The following SHLD1 variants were observed in gnomAD, a reference collection of about 807,000 sequenced individuals.
SHLD1 encodes RINN1-REV7-interacting novel NHEJ regulator 3.
A neutral mutation model predicts 5.5 loss-of-function variants in SHLD1; 3 were observed. That is an observed-to-expected ratio of 0.54 (90% CI 0.25 to 1.40). SHLD1 has a LOEUF of 1.40. SHLD1 is among the 40% of genes most tolerant of loss of function. The pLI is 0.15. For synonymous variants in SHLD1, 92 were observed against 94.3 expected, an observed-to-expected ratio of 0.98 and a Z score of 0.14; for missense variants, 210 against 244.4, an observed-to-expected ratio of 0.86 and a Z score of 0.94.
chr20:5,770,849 TAC>T (rs1455981955), intron 1 of SHLD1, among the ~76,000 whole-genome samples: 1 of 152,168 alleles, frequency 6.6e-6, no homozygotes, highest in Admixed American at 6.6e-5. Flanking sequence ...CAGGTAAAAA[TAC>T]AACCTCAGCA....
intron 2 of SHLD1, among the ~76,000 whole-genome samples, chr20:5,790,465 T>C (rs1405344115): frequency 6.7e-6 from 1 of 150,260 alleles, no homozygotes; most frequent in Non-Finnish European, 1.5e-5. Context: ...TTTTTTTTTT[T>C]TTTTTGAGTT....
Position 5,829,357 on chromosome 20 carries a change from C to G in SHLD1, c.179-33667C>G, listed in dbSNP as rs956362904. On this transcript the variant is annotated intron_variant, in intron 2 of 2. Transcript: ENST00000303142. ...TTTATTTGAGGTTTAACATTCTGAC[C>G]AATATGTTCTGGAAAGGAAATTAAA... is the stretch of plus-strand genomic sequence containing the variant. Among the ~76,000 whole-genome samples, 4 of 152,044 alleles carry G rather than the reference C, an allele frequency of 2.6e-5. No individual in the cohort carries two copies. The East Asian group carries it at 7.7e-4, about 29-fold the overall frequency.
intron 2 of SHLD1, among the ~76,000 whole-genome samples, chr20:5,807,737 G>A (rs2087399753): frequency 1.3e-5 from 2 of 152,084 alleles, no homozygotes; most frequent in Non-Finnish European, 1.5e-5. Context: ...ACTTCCTTTT[G>A]GAGAATATAG....
chr20:5,785,444 A>G (rs1047159800), intron 2 of SHLD1, among the ~76,000 whole-genome samples: 1 of 152,196 alleles, frequency 6.6e-6, no homozygotes, highest in African/African-American at 2.4e-5. Context: ...GTTGACTGCA[A>G]AGGCAGACCT....
At chr20:5,794,765 CTA>C (rs1245639246) in intron 2 of SHLD1, among the ~76,000 whole-genome samples, 1 of 152,100 alleles carries the variant, frequency 6.6e-6, no homozygotes, top group African/African-American at 2.4e-5. Context: ...GTATTAGATA[CTA>C]TGTTTATTAG....
chr20:5,764,139 A>ATATAT (rs1211451691), intron 1 of SHLD1, among the ~76,000 whole-genome samples: 2,382 of 95,144 alleles, frequency 0.025, 52 homozygotes, highest in Non-Finnish European at 0.036. Flanking sequence ...AAAAAAAAAA[A>ATATAT]ATATATATAT....
At chr20:5,832,027 G>A (rs947262211) in intron 2 of SHLD1, among the ~76,000 whole-genome samples, 3 of 152,088 alleles carry the variant, frequency 2.0e-5, no homozygotes, top group African/African-American at 4.8e-5. Flanking sequence ...GGCAACCTCC[G>A]CCTACCTGCT....
chr20:5,760,616 C>T (rs1308597843), intron 1 of SHLD1, among the ~76,000 whole-genome samples: 1 of 151,762 alleles, frequency 6.6e-6, no homozygotes, highest in Non-Finnish European at 1.5e-5. Context: ...TTGCTTGAGC[C>T]CGGGAGGAGG....
At position 5,863,510 on chromosome 20, in the gene SHLD1, G is replaced by A. The variant is rs1219631417; in HGVS notation, c.*47G>A. 4 of 1,536,334 alleles carry A rather than the reference G, an allele frequency of 2.6e-6. No homozygotes were observed. In the African/African-American group the frequency reaches 5.5e-5, roughly 21 times the overall value. ...GGTAGTAATGGAGGTGCTGTGCCAT[G>A]ACCAGCAGTGTTGGTGGCCACCCAG... On this transcript the variant is annotated 3_prime_UTR_variant, in exon 3 of 3. Transcript: ENST00000303142.
At chr20:5,771,057 A>T (rs1283551038) in intron 1 of SHLD1, among the ~76,000 whole-genome samples, 3 of 152,168 alleles carry the variant, frequency 2.0e-5, no homozygotes, top group Non-Finnish European at 4.4e-5. Flanking sequence ...ACAAGCATAA[A>T]TAATTTTTGG....
At chr20:5,821,265 C>T (rs186316881) in intron 2 of SHLD1, among the ~76,000 whole-genome samples, 1 of 152,308 alleles carries the variant, frequency 6.6e-6, no homozygotes, top group Non-Finnish European at 1.5e-5. Flanking sequence ...ATAATCCCAG[C>T]ACTTTGGGAG....
At chr20:5,832,789 A>T (rs2087743950) in intron 2 of SHLD1, among the ~76,000 whole-genome samples, 4 of 141,480 alleles carry the variant, frequency 2.8e-5, no homozygotes, top group Admixed American at 2.3e-4. Context: ...AAAAGCTGGA[A>T]ATCAAAATAA....
chr20:5,775,188 A>G (rs1014967298), intron 2 of SHLD1, among the ~76,000 whole-genome samples: 6 of 150,020 alleles, frequency 4.0e-5, no homozygotes, highest in Non-Finnish European at 8.9e-5. Flanking sequence ...ACAGGCTCAC[A>G]TCACCATACA....
rs776358532 is a variant in SHLD1 at position 5,778,114 on chromosome 20, C to CTTTTTTTT, written c.178+5084_178+5091dup. ...GGCTGAGGCAGGAGGATCCCTTTTTCTTTTTTTTTTTTTTTTTTTTGAGAC... is the reference window on the plus strand; with the variant it reads ...GGCTGAGGCAGGAGGATCCCTTTTTCTTTTTTTTTTTTTTTTTTTTTTTTTTTTGAGAC... On this transcript the variant is annotated intron_variant, in intron 2 of 2. Transcript: ENST00000303142. Among the ~76,000 whole-genome samples the CTTTTTTTT allele has an allele frequency of 5.4e-4, 60 of 111,902 alleles. 1 individual carries two copies. Among genetic ancestry groups the CTTTTTTTT allele is most frequent in the Middle Eastern group, 5.6e-3 (1 of 180 alleles). 73.4% of individuals were successfully genotyped at this position (111,902 alleles called of 152,430 possible). A position where few individuals can be genotyped will look rare whatever the true frequency, so the allele number is the denominator to read the frequency against.
At chr20:5,805,850 C>T (rs2122354707) in intron 2 of SHLD1, among the ~76,000 whole-genome samples, 1 of 152,260 alleles carries the variant, frequency 6.6e-6, no homozygotes, top group Admixed American at 6.5e-5. Flanking sequence ...ATCCGCCCTC[C>T]TTGGCCTCCC....
intron 2 of SHLD1, among the ~76,000 whole-genome samples, chr20:5,781,547 G>T (rs995419198): frequency 1.3e-5 from 2 of 152,074 alleles, no homozygotes; most frequent in Non-Finnish European, 2.9e-5. Flanking sequence ...GTGCAATCTC[G>T]GCTCCCTGCA....
At chr20:5,810,281 T>G (rs1457209265) in intron 2 of SHLD1, among the ~76,000 whole-genome samples, 1 of 151,854 alleles carries the variant, frequency 6.6e-6, no homozygotes. Flanking sequence ...ATTGTATTGT[T>G]CAATAATGGA....
chr20:5,829,932 C>G (rs1425603927), intron 2 of SHLD1, among the ~76,000 whole-genome samples: 1 of 151,784 alleles, frequency 6.6e-6, no homozygotes, highest in Non-Finnish European at 1.5e-5. Flanking sequence ...AAGGTAGATG[C>G]AATAGAATGG....
At chr20:5,822,672 C>T (rs2087619152) in intron 2 of SHLD1, among the ~76,000 whole-genome samples, 1 of 151,836 alleles carries the variant, frequency 6.6e-6, no homozygotes, top group African/African-American at 2.4e-5. Flanking sequence ...CTGCTTAAGG[C>T]CAGCCCCTCC....
Sources: allele counts gnomAD v4.1 joint callset (sites outside exome capture counted in the v4.1 genomes callset), GRCh38; gene constraint gnomAD v4.1.1; transcripts MANE v1.5; gene names NCBI Gene and HGNC (gene_info 2026-07-23, HGNC 2026-07-21).